The following GFRA2 variants were observed in gnomAD, a reference collection of about 807,000 sequenced individuals.
GFRA2 encodes the protein GDNF family receptor alpha-2.
GFRA2 carries 17 observed loss-of-function variants against 48.3 expected under a neutral mutation model. The observed-to-expected ratio is 0.35, with a 90% CI of 0.24 to 0.53. The LOEUF (loss-of-function observed/expected upper bound fraction) is 0.53, where lower values mean the gene tolerates loss of function less well. GFRA2 is among the 20% of genes least tolerant of loss of function. The pLI is 0.93. For synonymous variants in GFRA2, 305 were observed against 257.2 expected, an observed-to-expected ratio of 1.19 and a Z score of -1.78; for missense variants, 660 against 637.3, an observed-to-expected ratio of 1.04 and a Z score of -0.38.
At chr8:21,698,135 T>G (rs1204955100) in intron 7 of GFRA2, among the ~76,000 whole-genome samples, 4 of 152,218 alleles carry the variant, frequency 2.6e-5, no homozygotes, top group Non-Finnish European at 4.4e-5. Context: ...TAGAGGCATC[T>G]GTGGCTCCAG....
chr8:21,745,181 C>G (rs896308000), intron 4 of GFRA2, among the ~76,000 whole-genome samples: 1 of 152,274 alleles, frequency 6.6e-6, no homozygotes, highest in African/African-American at 2.4e-5. Flanking sequence ...GTGTGCCACA[C>G]GGCGAATCGA....
At chr8:21,757,598 A>G (rs1033725080) in intron 3 of GFRA2, among the ~76,000 whole-genome samples, 1 of 150,550 alleles carries the variant, frequency 6.6e-6, no homozygotes, top group African/African-American at 2.5e-5. Context: ...GGTTCAGGCG[A>G]TTCTCCTGCC....
chr8:21,746,828 T>C (rs1168802836), intron 4 of GFRA2, among the ~76,000 whole-genome samples: 2 of 150,062 alleles, frequency 1.3e-5, no homozygotes, highest in Non-Finnish European at 3.0e-5. Context: ...AAAGAAAAAA[T>C]GCTTCTAGTT....
chr8:21,755,013 A>G (rs916786690), intron 3 of GFRA2, among the ~76,000 whole-genome samples: 3 of 152,186 alleles, frequency 2.0e-5, no homozygotes, highest in African/African-American at 4.8e-5. Context: ...GACACTCTGA[A>G]AAAGGGAAAA....
intron 4 of GFRA2, among the ~76,000 whole-genome samples, chr8:21,744,571 A>ACACACACACACACC (rs1804908498): frequency 7.0e-6 from 1 of 142,394 alleles, no homozygotes; most frequent in African/African-American, 2.5e-5. Flanking sequence ...ACACACACAC[A>ACACACACACACACC]CACACACACA....
chr8:21,800,602 A>T (rs2117112952), intron 2 of GFRA2, among the ~76,000 whole-genome samples: 1 of 152,254 alleles, frequency 6.6e-6, no homozygotes, highest in Non-Finnish European at 1.5e-5. Context: ...ACCACAGATG[A>T]CTTGTGTTAT....
At position 21,712,513 on chromosome 8, in the gene GFRA2, A is replaced by G. The variant is rs1384470601; in HGVS notation, c.795-6472T>C. Among the ~76,000 whole-genome samples, 4 of 146,456 alleles carry G rather than the reference A, an allele frequency of 2.7e-5. No homozygotes were observed. The South Asian group carries it at 8.7e-4, about 32-fold the overall frequency. On this transcript the variant is annotated intron_variant, in intron 4 of 8. Transcript: ENST00000524240. ...TGGCGGGCGGGCAGAGACGCTCCTC[A>G]CTTTCCAGACTGGGCAGCCAGGCAG...
intron 3 of GFRA2, among the ~76,000 whole-genome samples, chr8:21,767,467 C>G (rs1012526096): frequency 6.6e-6 from 1 of 152,274 alleles, no homozygotes; most frequent in South Asian, 2.1e-4. Context: ...AGCGTGCAGG[C>G]ATGGGTGGGA....
chr8:21,782,773 C>G lies in GFRA2; in HGVS notation c.167G>C (p.Arg56Pro), dbSNP rs1807075427. ...CAGGCACTGCCGCAGAGTGCGGTAG[C>G]GAGAGCTGCAGTTGGATTCGGCGGC... is the stretch of plus-strand genomic sequence containing the variant. ...LCAAESNCSS[R>P]YRTLRQCLAG... is the part of the protein sequence containing the mutation. The change falls in exon 2 of 9, where the codon CGC becomes CCC. Residue 56 changes from arginine to proline, a missense_variant. Physicochemically the swap from Arg to Pro is moderately radical, Grantham distance 103. Coordinates refer to ENST00000524240, the MANE Select transcript of GFRA2 (RefSeq NM_001495.5). 5 of 1,591,826 alleles carry G rather than the reference C, an allele frequency of 3.1e-6. No homozygotes were observed. The highest frequency in any genetic ancestry group is 2.3e-5 in the East Asian group (1 of 43,820).
intron 4 of GFRA2, among the ~76,000 whole-genome samples, chr8:21,721,494 C>T (rs370589998): frequency 1.9e-4 from 29 of 152,234 alleles, no homozygotes; most frequent in African/African-American, 6.5e-4. Flanking sequence ...CGCAGAAGGG[C>T]AAAGGAAGTC....
intron 3 of GFRA2, among the ~76,000 whole-genome samples, chr8:21,759,143 C>A (rs1471121548): frequency 6.6e-6 from 1 of 152,114 alleles, no homozygotes; most frequent in African/African-American, 2.4e-5. Flanking sequence ...GTAGCCCCAG[C>A]GCTTTGAGAG....
intron 3 of GFRA2, among the ~76,000 whole-genome samples, chr8:21,773,972 T>A (rs1488822599): frequency 6.6e-6 from 1 of 152,138 alleles, no homozygotes; most frequent in Non-Finnish European, 1.5e-5. Context: ...CAGCCCAAAA[T>A]GTCAATAGTG....
At chr8:21,723,714 C>T (rs1020971728) in intron 4 of GFRA2, among the ~76,000 whole-genome samples, 1 of 152,160 alleles carries the variant, frequency 6.6e-6, no homozygotes, top group African/African-American at 2.4e-5. Context: ...AATTTTGCAG[C>T]AAGAGGGAGG....
intron 1 of GFRA2, among the ~76,000 whole-genome samples, chr8:21,808,793 C>T (rs1020675565): frequency 6.6e-6 from 1 of 152,216 alleles, no homozygotes; most frequent in South Asian, 2.1e-4. Context: ...ACCCGAGCTG[C>T]GTTTCAGTGA....
At chr8:21,720,902 T>C (rs1298437809) in intron 4 of GFRA2, among the ~76,000 whole-genome samples, 1 of 152,104 alleles carries the variant, frequency 6.6e-6, no homozygotes, top group Non-Finnish European at 1.5e-5. Context: ...GAAACCATCT[T>C]ATTCATGTTT....
At chr8:21,719,558 G>C (rs147847301) in intron 4 of GFRA2, among the ~76,000 whole-genome samples, 2 of 152,166 alleles carry the variant, frequency 1.3e-5, no homozygotes, top group Non-Finnish European at 2.9e-5. Context: ...AGCAAACCCC[G>C]AGTCACTATA....
At chr8:21,766,356 A>G (rs1456118360) in intron 3 of GFRA2, among the ~76,000 whole-genome samples, 1 of 151,946 alleles carries the variant, frequency 6.6e-6, no homozygotes, top group South Asian at 2.1e-4. Flanking sequence ...CTCTGTCTCC[A>G]GCTAATAGAA....
chr8:21,698,906 T>A (rs1802339001), intron 7 of GFRA2, among the ~76,000 whole-genome samples: 1 of 151,988 alleles, frequency 6.6e-6, no homozygotes, highest in Non-Finnish European at 1.5e-5. Flanking sequence ...CCCACACCCA[T>A]TCTCCCGATT....
intron 4 of GFRA2, among the ~76,000 whole-genome samples, chr8:21,711,736 T>C (rs540557649): frequency 3.7e-4 from 56 of 151,040 alleles, no homozygotes; most frequent in Non-Finnish European, 7.5e-4. Context: ...CAGAGGGGGA[T>C]TTGGCAGGGT....
Sources: allele counts gnomAD v4.1 joint callset (sites outside exome capture counted in the v4.1 genomes callset), GRCh38; gene constraint gnomAD v4.1.1; transcripts MANE v1.5; gene names NCBI Gene and HGNC (gene_info 2026-07-23, HGNC 2026-07-21).